CNOT6: variants seen among roughly 807,000 people sequenced by gnomAD.
CNOT6 encodes the protein CCR4-NOT transcription complex subunit 6.
In CNOT6, 12 loss-of-function variants were observed where a neutral mutation model predicts 61.2. That is an observed-to-expected ratio of 0.20 (90% CI 0.13 to 0.32). The LOEUF is 0.32. Ranked by LOEUF, CNOT6 falls within the 10% of genes least tolerant of loss-of-function variation. The probability of loss-of-function intolerance (pLI) is 1.00; values close to 1 mark genes in which losing one functional copy is unlikely to be tolerated. For missense variants in CNOT6, 405 were observed against 663.9 expected, an observed-to-expected ratio of 0.61 and a Z score of 4.28; for synonymous variants, 225 against 240.6, an observed-to-expected ratio of 0.94 and a Z score of 0.60.
At chr5:180,530,561 C>CTTTTTTTTTTT (rs70973925) in intron 2 of CNOT6, among the ~76,000 whole-genome samples, 1 of 119,448 alleles carries the variant, frequency 8.4e-6, no homozygotes, top group African/African-American at 3.1e-5. Flanking sequence ...CTTCTGATTT[C>CTTTTTTTTTTT]TTTTTTTTTT....
At chr5:180,541,619 A>T (rs1170332834) in intron 2 of CNOT6, among the ~76,000 whole-genome samples, 1 of 149,900 alleles carries the variant, frequency 6.7e-6, no homozygotes, top group African/African-American at 2.5e-5. Flanking sequence ...CGCCTGGCTA[A>T]TTTTTTGTAT....
chr5:180,539,880 C>T (rs557308075), intron 2 of CNOT6, among the ~76,000 whole-genome samples: 9 of 152,060 alleles, frequency 5.9e-5, no homozygotes, highest in African/African-American at 1.4e-4. Context: ...TGAGCCACCG[C>T]GCCCAGCCTG....
At chr5:180,505,251 A>AT (rs70973919) in intron 1 of CNOT6, among the ~76,000 whole-genome samples, 1,171 of 60,424 alleles carry the variant, frequency 0.019, 128 homozygotes, top group East Asian at 0.048. Context: ...GTAATAGTTA[A>AT]TTTTTTTTTT....
intron 1 of CNOT6, among the ~76,000 whole-genome samples, chr5:180,512,750 C>T (rs994256742): frequency 3.9e-5 from 6 of 152,112 alleles, no homozygotes; most frequent in Admixed American, 3.9e-4. Context: ...GCATGCACCA[C>T]CATGCCCGGC....
Position 180,513,944 on chromosome 5 carries a change from T to C in CNOT6, c.-2-15331T>C, listed in dbSNP as rs955099571. Among the ~76,000 whole-genome samples the C allele has an allele frequency of 2.6e-5, 4 of 151,846 alleles. No homozygotes were observed. In the South Asian group the frequency reaches 6.3e-4, roughly 24 times the overall value. ...GTCTCGATCTCCTGACCTCATGATCTGCCCTCCTCGGCCTCCCAAAGTGCT... is the reference window on the plus strand; with the variant it reads ...GTCTCGATCTCCTGACCTCATGATCCGCCCTCCTCGGCCTCCCAAAGTGCT... On this transcript the variant is annotated intron_variant, in intron 1 of 11. Coordinates refer to ENST00000261951, the MANE Select transcript of CNOT6 (RefSeq NM_001370472.1).
intron 3 of CNOT6, among the ~76,000 whole-genome samples, chr5:180,552,017 T>C (rs891014553): frequency 6.6e-6 from 1 of 151,768 alleles, no homozygotes; most frequent in Non-Finnish European, 1.5e-5. Flanking sequence ...TACAAGCGTG[T>C]GCCACCATGC....
intron 11 of CNOT6, among the ~76,000 whole-genome samples, chr5:180,572,120 T>C (rs1000458060): frequency 2.0e-5 from 3 of 152,222 alleles, no homozygotes; most frequent in Non-Finnish European, 4.4e-5. Context: ...TACATTTTAA[T>C]TTAACTGAAA....
At chr5:180,533,261 C>T (rs1371058874) in intron 2 of CNOT6, among the ~76,000 whole-genome samples, 2 of 147,326 alleles carry the variant, frequency 1.4e-5, no homozygotes, top group African/African-American at 5.0e-5. Context: ...AGCACTCTAA[C>T]ATTATAACAA....
At position 180,515,723 on chromosome 5, in the gene CNOT6, T is replaced by TA. The variant is rs539118550; in HGVS notation, c.-2-13543dup. 5.6e-3 allele frequency among the ~76,000 whole-genome samples: 849 copies of TA among 150,664 alleles called. 4 individuals are homozygous for TA. Among genetic ancestry groups the TA allele is most frequent in the African/African-American group, 0.016 (650 of 41,158 alleles). On this transcript the variant is annotated intron_variant, in intron 1 of 11. Coordinates refer to ENST00000261951, the MANE Select transcript of CNOT6 (RefSeq NM_001370472.1). ...CAGTAGCTCTAAGGAGCCTGATTAC[T>TA]AAAAAAAAAGGGGGTCTTTCTGCAC...
chr5:180,502,465 T>C (rs1219166502), intron 1 of CNOT6, among the ~76,000 whole-genome samples: 2 of 152,252 alleles, frequency 1.3e-5, no homozygotes, highest in African/African-American at 4.8e-5. Flanking sequence ...TAAGATTTGC[T>C]TTCATATGCC....
intron 2 of CNOT6, among the ~76,000 whole-genome samples, chr5:180,529,618 G>A (rs1180872275): frequency 6.6e-6 from 1 of 152,204 alleles, no homozygotes; most frequent in East Asian, 1.9e-4. Context: ...CTCAGTATCA[G>A]TGTCCTCTTA....
intron 1 of CNOT6, among the ~76,000 whole-genome samples, chr5:180,498,350 A>T (rs4538575): frequency 6.6e-6 from 1 of 152,056 alleles, no homozygotes; most frequent in Non-Finnish European, 1.5e-5. Flanking sequence ...TTGCCTTCTC[A>T]TAGTGTATAG....
At chr5:180,537,009 T>G (rs1207053847) in intron 2 of CNOT6, among the ~76,000 whole-genome samples, 1 of 152,218 alleles carries the variant, frequency 6.6e-6, no homozygotes, top group African/African-American at 2.4e-5. Context: ...CTGAGTAATA[T>G]TCCATTGTCT....
intron 2 of CNOT6, among the ~76,000 whole-genome samples, chr5:180,537,081 T>C (rs1758734073): frequency 6.6e-6 from 1 of 152,264 alleles, no homozygotes; most frequent in African/African-American, 2.4e-5. Flanking sequence ...CTCCAAGTTT[T>C]GGCAATTTTT....
intron 10 of CNOT6, among the ~76,000 whole-genome samples, chr5:180,570,521 C>T (rs1387649327): frequency 6.6e-6 from 1 of 152,168 alleles, no homozygotes; most frequent in Non-Finnish European, 1.5e-5. Context: ...AATTTCTCTA[C>T]ATGCTTTCTA....
chr5:180,539,581 T>G (rs1183613875), intron 2 of CNOT6, among the ~76,000 whole-genome samples: 19 of 35,774 alleles, frequency 5.3e-4, no homozygotes, highest in African/African-American at 2.7e-3. Context: ...TTTTTTTTTT[T>G]TTTTTTTTTT....
intron 1 of CNOT6, among the ~76,000 whole-genome samples, chr5:180,504,855 G>T (rs1757048927): frequency 6.6e-6 from 1 of 151,718 alleles, no homozygotes; most frequent in Non-Finnish European, 1.5e-5. Flanking sequence ...TACTGTTAAA[G>T]AGTTCATAAA....
chr5:180,530,561 C>CTTTTTTTTTTTTT (rs70973925), intron 2 of CNOT6, among the ~76,000 whole-genome samples: 1 of 119,450 alleles, frequency 8.4e-6, no homozygotes, highest in Admixed American at 8.4e-5. Flanking sequence ...CTTCTGATTT[C>CTTTTTTTTTTTTT]TTTTTTTTTT....
intron 1 of CNOT6, among the ~76,000 whole-genome samples, chr5:180,520,235 A>G (rs1157258921): frequency 6.6e-6 from 1 of 152,248 alleles, no homozygotes; most frequent in Non-Finnish European, 1.5e-5. Context: ...AATTGAAATG[A>G]TCAGAATCCA....
Sources: allele counts gnomAD v4.1 joint callset (sites outside exome capture counted in the v4.1 genomes callset), GRCh38; gene constraint gnomAD v4.1.1; transcripts MANE v1.5; gene names NCBI Gene and HGNC (gene_info 2026-07-23, HGNC 2026-07-21).